The following NOS1AP variants were observed in gnomAD, a reference collection of about 807,000 sequenced individuals.
NOS1AP encodes the protein carboxyl-terminal PDZ ligand of neuronal nitric oxide synthase protein.
In NOS1AP, 21 loss-of-function variants were observed where a neutral mutation model predicts 56.2. The observed-to-expected ratio is 0.37, with a 90% CI of 0.26 to 0.54. NOS1AP has a LOEUF of 0.54. Ranked by LOEUF, NOS1AP falls within the 20% of genes least tolerant of loss-of-function variation. The probability of loss-of-function intolerance (pLI) is 0.84; values close to 1 mark genes in which losing one functional copy is unlikely to be tolerated. For missense variants in NOS1AP, 522 were observed against 657.8 expected (o/e 0.79, Z 2.26); for synonymous variants, 270 against 274.6 (o/e 0.98, Z 0.17).
chr1:162,301,662 A>T (rs946208773), intron 4 of NOS1AP, among the ~76,000 whole-genome samples: 50 of 152,210 alleles, frequency 3.3e-4, no homozygotes, highest in African/African-American at 1.2e-3. Flanking sequence ...CCATGACAGG[A>T]GCTCGAGTCA....
In NOS1AP at chr1:162,151,953, G is replaced by C. The variant is rs558938142; in HGVS notation, c.106-2452G>C. On this transcript the variant is annotated intron_variant, in intron 1 of 9. Coordinates refer to ENST00000361897, the MANE Select transcript of NOS1AP (RefSeq NM_014697.3). The stretch of plus-strand genomic sequence containing the variant: ...CAGCTGGGGTAGTGGCTGATGTAGT[G>C]AAGGAGTTACTTGTGGGGTGAAGAT... 4.6e-5 allele frequency among the ~76,000 whole-genome samples: 7 copies of C among 152,232 alleles called. No homozygotes were observed. In the South Asian group the frequency reaches 1.2e-3, roughly 27 times the overall value.
chr1:162,152,377 A>C (rs943584997), intron 1 of NOS1AP, among the ~76,000 whole-genome samples: 1 of 152,150 alleles, frequency 6.6e-6, no homozygotes, highest in African/African-American at 2.4e-5. Flanking sequence ...TCAGGGCAGG[A>C]GCCATCAGCT....
intron 1 of NOS1AP, among the ~76,000 whole-genome samples, chr1:162,101,518 T>C (rs190795688): frequency 2.6e-5 from 4 of 152,290 alleles, no homozygotes; most frequent in Admixed American, 2.6e-4. Context: ...ATAAATTACT[T>C]TGGGCAGTAT....
At chr1:162,362,944 A>C in intron 8 of NOS1AP, 1 of 972,704 alleles carries the variant, frequency 1.0e-6, no homozygotes, top group Non-Finnish European at 1.2e-6. Flanking sequence ...AGGAAGAAAC[A>C]AACTCAGTTT....
At chr1:162,105,780 A>C (rs1647479861) in intron 1 of NOS1AP, among the ~76,000 whole-genome samples, 1 of 152,188 alleles carries the variant, frequency 6.6e-6, no homozygotes, top group Non-Finnish European at 1.5e-5. Context: ...GAGTCTACCA[A>C]ACCACAGGGA....
chr1:162,326,683 A>G (rs1452507674), intron 4 of NOS1AP, among the ~76,000 whole-genome samples: 1 of 152,168 alleles, frequency 6.6e-6, no homozygotes, highest in Non-Finnish European at 1.5e-5. Flanking sequence ...TTCAGTCTGC[A>G]CATTGGCAGG....
At chr1:162,100,262 G>A (rs1170069973) in intron 1 of NOS1AP, among the ~76,000 whole-genome samples, 2 of 151,250 alleles carry the variant, frequency 1.3e-5, no homozygotes, top group Non-Finnish European at 3.0e-5. Context: ...GTGTAAAAGT[G>A]TTCCTATTTC....
intron 1 of NOS1AP, among the ~76,000 whole-genome samples, chr1:162,096,287 A>T (rs1445245141): frequency 6.6e-6 from 1 of 152,182 alleles, no homozygotes; most frequent in Non-Finnish European, 1.5e-5. Flanking sequence ...TTCACTTTCC[A>T]TGTCAGCGTA....
At chr1:162,146,640 G>A (rs1649476323) in intron 1 of NOS1AP, among the ~76,000 whole-genome samples, 1 of 152,140 alleles carries the variant, frequency 6.6e-6, no homozygotes, top group African/African-American at 2.4e-5. Context: ...TTCTTTCAAA[G>A]CTTGACTTCC....
chr1:162,216,954 CA>C (rs1652590958), intron 2 of NOS1AP, among the ~76,000 whole-genome samples: 2 of 152,180 alleles, frequency 1.3e-5, no homozygotes, highest in Admixed American at 1.3e-4. Context: ...GGGCTCAGCA[CA>C]TTTGCAAGTA....
At chr1:162,239,851 T>C (rs1055620275) in intron 2 of NOS1AP, among the ~76,000 whole-genome samples, 3 of 152,214 alleles carry the variant, frequency 2.0e-5, no homozygotes, top group Non-Finnish European at 4.4e-5. Context: ...ATAATTTACT[T>C]TCAGATTACT....
chr1:162,178,822 T>C (rs892038867), intron 2 of NOS1AP, among the ~76,000 whole-genome samples: 2 of 152,262 alleles, frequency 1.3e-5, no homozygotes, highest in African/African-American at 4.8e-5. Context: ...TCCTGGATGC[T>C]CAGCCTATGC....
intron 2 of NOS1AP, among the ~76,000 whole-genome samples, chr1:162,204,911 C>G (rs1652112685): frequency 6.6e-6 from 1 of 152,078 alleles, no homozygotes; most frequent in South Asian, 2.1e-4. Context: ...GACTAGGGGA[C>G]TTTGAGAGGA....
intron 2 of NOS1AP, among the ~76,000 whole-genome samples, chr1:162,175,624 G>T (rs1035385982): frequency 2.6e-5 from 4 of 152,294 alleles, no homozygotes; most frequent in South Asian, 2.1e-4. Flanking sequence ...GTGTGGGGGT[G>T]GGGGCGGTCG....
intron 1 of NOS1AP, among the ~76,000 whole-genome samples, chr1:162,149,106 C>T (rs1649598565): frequency 6.6e-6 from 1 of 152,204 alleles, no homozygotes; most frequent in Admixed American, 6.5e-5. Context: ...AGGCATCAGG[C>T]CAACCCAGCT....
chr1:162,254,920 T>C (rs1653977471), intron 2 of NOS1AP, among the ~76,000 whole-genome samples: 1 of 152,226 alleles, frequency 6.6e-6, no homozygotes, highest in African/African-American at 2.4e-5. Context: ...GATTTAGATT[T>C]AGATCTTTCT....
Position 162,229,215 on chromosome 1 carries a change from G to A in NOS1AP, c.178-58129G>A, listed in dbSNP as rs79397438. On this transcript the variant is annotated intron_variant, in intron 2 of 9. Transcript: ENST00000361897. Reference sequence around the variant, plus strand: ...GGGAAGGAGGCAGAGGCAAGCATGAGAATAGGAACCAGGCCTGTGCAGCAT... The same window carrying A: ...GGGAAGGAGGCAGAGGCAAGCATGAAAATAGGAACCAGGCCTGTGCAGCAT... Among the ~76,000 whole-genome samples, 564 of 152,310 alleles carry A rather than the reference G, an allele frequency of 3.7e-3. 2 individuals carry two copies. The highest frequency in any genetic ancestry group is 0.013 in the African/African-American group (543 of 41,566).
Position 162,074,837 on chromosome 1 carries a change from A to G in NOS1AP, c.105+4555A>G, listed in dbSNP as rs527587007. Among the ~76,000 whole-genome samples, 21 of 152,226 alleles carry G rather than the reference A, an allele frequency of 1.4e-4. No homozygotes were observed. The South Asian group carries it at 3.9e-3, about 29-fold the overall frequency. Reference sequence around the variant, plus strand: ...TGCCTTGGTCGTCCTTCATGTGACTATTCTCTTCACTGGCTGGCTTGGATT... The same window carrying G: ...TGCCTTGGTCGTCCTTCATGTGACTGTTCTCTTCACTGGCTGGCTTGGATT... On this transcript the variant is annotated intron_variant, in intron 1 of 9. Coordinates refer to ENST00000361897, the MANE Select transcript of NOS1AP (RefSeq NM_014697.3).
chr1:162,242,542 C>T (rs189666233), intron 2 of NOS1AP, among the ~76,000 whole-genome samples: 90 of 152,252 alleles, frequency 5.9e-4, no homozygotes, highest in African/African-American at 2.0e-3. Context: ...CCATCTTGGA[C>T]GTCCAGACCC....
Sources: gnomAD v4.1 joint callset for allele counts (sites outside exome capture counted in the v4.1 genomes callset) on GRCh38, gnomAD v4.1.1 for gene constraint, MANE v1.5 for transcripts, NCBI Gene and HGNC (gene_info 2026-07-23, HGNC 2026-07-21) for gene names.